Variants in ANXA8 observed in about 807,000 individuals in gnomAD.
The protein encoded by ANXA8 is VAC-beta.
Under a neutral mutation model 26.8 loss-of-function variants are expected in ANXA8, and 9 were observed. The observed-to-expected ratio is 0.34, with a 90% CI of 0.20 to 0.59. The LOEUF (loss-of-function observed/expected upper bound fraction) is 0.59. ANXA8 is among the 20% of genes least tolerant of loss of function. The probability of loss-of-function intolerance (pLI) is 0.84; values close to 1 mark genes in which losing one functional copy is unlikely to be tolerated. For missense variants in ANXA8, 83 were observed against 238.5 expected (o/e 0.35, Z 4.29); for synonymous variants, 39 against 94.8 (o/e 0.41, Z 3.42).
At chr10:47,494,321 C>A in the ANXA8 span, among the ~76,000 whole-genome samples, 1 of 100,608 alleles carries the variant, frequency 9.9e-6, no homozygotes, top group African/African-American at 5.6e-5. Flanking sequence ...TCCAGCCTCC[C>A]CTCAGGCAGG....
chr10:47,568,015 A>G, the ANXA8 span: 4 of 746,328 alleles, frequency 5.4e-6, no homozygotes, highest in Non-Finnish European at 9.5e-6. Context: ...TACCGTAAGT[A>G]TGAAAGTTTT....
chr10:47,493,380 A>T, the ANXA8 span, among the ~76,000 whole-genome samples: 1 of 148,290 alleles, frequency 6.7e-6, no homozygotes, highest in African/African-American at 2.6e-5. Context: ...ATGGGGTGAC[A>T]CCTGGGACAT....
chr10:47,554,010 G>A, the ANXA8 span, among the ~76,000 whole-genome samples: 1 of 148,708 alleles, frequency 6.7e-6, no homozygotes, highest in Non-Finnish European at 1.5e-5. Flanking sequence ...GGTGGATCAC[G>A]CCTGTAATCC....
the ANXA8 span, among the ~76,000 whole-genome samples, chr10:47,762,040 G>A: frequency 3.0e-5 from 4 of 133,398 alleles, no homozygotes; most frequent in Non-Finnish European, 6.5e-5. Flanking sequence ...GGGTGTGGAC[G>A]CAGTCAGTTA....
the ANXA8 span, among the ~76,000 whole-genome samples, chr10:47,697,304 G>A: frequency 6.6e-5 from 10 of 152,284 alleles, no homozygotes; most frequent in African/African-American, 2.4e-4. Flanking sequence ...TTATAGGGTT[G>A]TTATGAAGAT....
At chr10:47,726,515 A>T in the ANXA8 span, among the ~76,000 whole-genome samples, 4 of 151,700 alleles carry the variant, frequency 2.6e-5, no homozygotes, top group Non-Finnish European at 5.9e-5. Flanking sequence ...GTAACTTGAA[A>T]TTGTGATTGT....
chr10:47,939,583 T>G, the ANXA8 span, among the ~76,000 whole-genome samples: 1 of 145,216 alleles, frequency 6.9e-6, no homozygotes, highest in East Asian at 2.1e-4. Context: ...TCCGTCTACC[T>G]GCAGGCTGGA....
At chr10:47,485,392 C>T (rs1285212015), upstream of ANXA8, among the ~76,000 whole-genome samples, 4 of 151,810 alleles carry the variant, frequency 2.6e-5, no homozygotes, top group East Asian at 2.0e-4. Flanking sequence ...TCTGAGCTTG[C>T]GTTTGGGTCA....
At chr10:47,655,410 AC>A in the ANXA8 span, among the ~76,000 whole-genome samples, 1 of 151,740 alleles carries the variant, frequency 6.6e-6, no homozygotes, top group African/African-American at 2.4e-5. Flanking sequence ...ACACAATTGA[AC>A]AGTTGGATTG....
At chr10:47,501,088 G>C in the ANXA8 span, among the ~76,000 whole-genome samples, 2 of 144,104 alleles carry the variant, frequency 1.4e-5, no homozygotes, top group Non-Finnish European at 3.0e-5. Context: ...ATTTTTAGCA[G>C]AGATGGGGTT....
At chr10:47,564,509 C>G in the ANXA8 span, 4 of 858,074 alleles carry the variant, frequency 4.7e-6, no homozygotes, top group Non-Finnish European at 3.7e-6. Context: ...AGCCACAGGA[C>G]GTGGTGGTCT....
chr10:47,565,025 A>G, the ANXA8 span: 2 of 827,392 alleles, frequency 2.4e-6, no homozygotes, highest in African/African-American at 1.7e-5. Context: ...CTGTGCCACT[A>G]TCGCCATCGC....
chr10:47,985,826 T>C, the ANXA8 span: 1 of 150,550 alleles, frequency 6.6e-6, no homozygotes, highest in African/African-American at 2.4e-5. Flanking sequence ...TTCATATAAA[T>C]GGAATCATAC....
chr10:47,892,585 G>T, the ANXA8 span, among the ~76,000 whole-genome samples: 1 of 148,754 alleles, frequency 6.7e-6, no homozygotes. Context: ...AGGAAGAGCA[G>T]TGCCCGACCT....
At position 47,483,363 on chromosome 10, in the gene ANXA8, C is replaced by T. The variant is rs1336518757; in HGVS notation, c.21+550G>A. Among the ~76,000 whole-genome samples, 158 of 135,328 alleles carry T rather than the reference C, an allele frequency of 1.2e-3. 7 individuals are homozygous for T. Among genetic ancestry groups the T allele is most frequent in the Admixed American group, 0.011 (155 of 13,866 alleles). 88.8% of individuals were successfully genotyped at this position (135,328 alleles called of 152,430 possible). Reference sequence around the variant, plus strand: ...ACTTCTCTTAAGGTAAAGCCTAACTCCTCAGCCTGCCAGGCAAGGCCTTTC... The same window carrying T: ...ACTTCTCTTAAGGTAAAGCCTAACTTCTCAGCCTGCCAGGCAAGGCCTTTC... On this transcript the variant is annotated intron_variant, in intron 1 of 11. Transcript: ENST00000585281.
the ANXA8 span, among the ~76,000 whole-genome samples, chr10:47,650,535 G>A: frequency 1.3e-5 from 2 of 151,320 alleles, no homozygotes; most frequent in Non-Finnish European, 2.9e-5. Flanking sequence ...GGCCAGGTGT[G>A]GTGGCTCACG....
the ANXA8 span, among the ~76,000 whole-genome samples, chr10:47,665,096 T>A: frequency 6.7e-6 from 1 of 149,030 alleles, no homozygotes; most frequent in East Asian, 1.9e-4. Flanking sequence ...TGATTTTGTT[T>A]TTTTGGCCAT....
At chr10:47,617,907 C>T in the ANXA8 span, among the ~76,000 whole-genome samples, 2 of 137,848 alleles carry the variant, frequency 1.5e-5, no homozygotes, top group Non-Finnish European at 3.2e-5. Context: ...ACATGCTTTG[C>T]GCCCTGCACC....
the ANXA8 span, among the ~76,000 whole-genome samples, chr10:47,949,639 A>T: frequency 1.3e-5 from 2 of 150,242 alleles, no homozygotes; most frequent in South Asian, 2.1e-4. Context: ...TGGAGGAAAC[A>T]GAAGTATATG....
Sources: gnomAD v4.1 joint callset for allele counts (sites outside exome capture counted in the v4.1 genomes callset) on GRCh38, gnomAD v4.1.1 for gene constraint, MANE v1.5 for transcripts, NCBI Gene and HGNC (gene_info 2026-07-23, HGNC 2026-07-21) for gene names.